Variants in PLD5 observed in about 807,000 individuals in gnomAD.
PLD5 encodes inactive phospholipase D5.
In PLD5, 36 loss-of-function variants were observed where a neutral mutation model predicts 61.1. That is an observed-to-expected ratio of 0.59 (90% CI 0.45 to 0.78). The LOEUF is 0.78. Ranked by LOEUF, PLD5 falls within the 30% of genes least tolerant of loss-of-function variation. The pLI is 0.00. For synonymous variants in PLD5, 243 were observed against 242.8 expected (o/e 1.00, Z -0.01); for missense variants, 515 against 644.4 (o/e 0.80, Z 2.17).
chr1:242,136,250 C>A (rs2148774248), intron 5 of PLD5, among the ~76,000 whole-genome samples: 1 of 152,352 alleles, frequency 6.6e-6, no homozygotes, highest in East Asian at 1.9e-4. Flanking sequence ...TCTCCTATGG[C>A]TGTTCCCATG....
At chr1:242,174,238 G>A (rs1345547659) in intron 5 of PLD5, among the ~76,000 whole-genome samples, 5 of 152,166 alleles carry the variant, frequency 3.3e-5, no homozygotes, top group Non-Finnish European at 7.3e-5. Flanking sequence ...AGTGGGTGAA[G>A]GATATGAACA....
At position 242,207,868 on chromosome 1, in the gene PLD5, TTA is replaced by T. The variant is rs1369717666; in HGVS notation, c.735+12118_735+12119del. Reference sequence around the variant, plus strand: ...TATATATATTTATATATTTATATATTTATATATATTTATATATTTATATATAT... The same window carrying T: ...TATATATATTTATATATTTATATATTTATATATTTATATATTTATATATAT... On this transcript the variant is annotated intron_variant, in intron 5 of 9. Transcript: ENST00000536534. Among the ~76,000 whole-genome samples, 116 of 61,078 alleles carry T rather than the reference TTA, an allele frequency of 1.9e-3. 8 individuals carry two copies. The highest frequency in any genetic ancestry group is 2.0e-3 in the Non-Finnish European group (71 of 34,656). 40.1% of individuals were successfully genotyped at this position (61,078 alleles called of 152,430 possible).
chr1:242,301,820 C>A (rs1262192173), intron 2 of PLD5, among the ~76,000 whole-genome samples: 1 of 146,730 alleles, frequency 6.8e-6, no homozygotes, highest in Non-Finnish European at 1.5e-5. Flanking sequence ...TCTTGCCACC[C>A]AGGCTGGAGT....
chr1:242,359,541 T>C (rs1660954371), intron 1 of PLD5, among the ~76,000 whole-genome samples: 1 of 152,144 alleles, frequency 6.6e-6, no homozygotes, highest in Non-Finnish European at 1.5e-5. Context: ...TTGGAGGGAG[T>C]GAAGACTGGG....
chr1:242,255,656 A>G (rs1237567129), intron 4 of PLD5, among the ~76,000 whole-genome samples: 3 of 152,196 alleles, frequency 2.0e-5, no homozygotes, highest in African/African-American at 7.2e-5. Flanking sequence ...CCTTTCAAAG[A>G]TTTTGTTAAG....
At chr1:242,435,893 A>G (rs560927492) in intron 1 of PLD5, among the ~76,000 whole-genome samples, 1 of 152,360 alleles carries the variant, frequency 6.6e-6, no homozygotes, top group South Asian at 2.1e-4. Context: ...AGAACCTCAC[A>G]GAAACCAACC....
rs1266850747 is a variant in PLD5 at position 242,085,323 on chromosome 1, A to G, written c.*4531T>C. 6.6e-6 allele frequency: 1 copy of G among 152,204 alleles called. No homozygotes were observed. Among genetic ancestry groups the G allele is most frequent in the Non-Finnish European group, 1.5e-5 (1 of 68,038 alleles). The allele number at this position is 152,204 out of a possible 1,614,324, so 9.4% of individuals were successfully genotyped here. A position where few individuals can be genotyped will look rare whatever the true frequency, so the allele number is the denominator to read the frequency against. The stretch of plus-strand genomic sequence containing the variant: ...ATACAAGACTGCTAATGGGTCAAAA[A>G]TAAGAAAATTTCATTTTTACATCTT... On this transcript the variant is annotated 3_prime_UTR_variant, in exon 10 of 10. Transcript: ENST00000536534.
At chr1:242,107,946 T>C (rs1290570983) in intron 7 of PLD5, 107 bp from the exon 8 acceptor site, 6 of 1,094,626 alleles carry the variant, frequency 5.5e-6, no homozygotes, top group Non-Finnish European at 7.6e-6. Flanking sequence ...TACTTTATCC[T>C]GTAATATATA....
intron 1 of PLD5, among the ~76,000 whole-genome samples, chr1:242,359,116 T>G (rs1660924841): frequency 6.6e-6 from 1 of 151,984 alleles, no homozygotes; most frequent in Non-Finnish European, 1.5e-5. Flanking sequence ...GCAGGTACAC[T>G]GAGCTTTCAT....
chr1:242,498,181 C>T (rs1287861219), intron 1 of PLD5, among the ~76,000 whole-genome samples: 11 of 152,064 alleles, frequency 7.2e-5, no homozygotes, highest in South Asian at 2.1e-4. Flanking sequence ...ATCAGGCTAG[C>T]CTCGAACTCC....
chr1:242,481,866 A>T (rs1437804780), intron 1 of PLD5, among the ~76,000 whole-genome samples: 1 of 152,218 alleles, frequency 6.6e-6, no homozygotes, highest in Non-Finnish European at 1.5e-5. Context: ...CAAAACTTCC[A>T]GAGGAACGAT....
chr1:242,301,531 A>C (rs1334578426), intron 2 of PLD5, among the ~76,000 whole-genome samples: 1 of 152,066 alleles, frequency 6.6e-6, no homozygotes, highest in African/African-American at 2.4e-5. Flanking sequence ...TCTACCAGGA[A>C]GGACAATGTT....
intron 2 of PLD5, among the ~76,000 whole-genome samples, chr1:242,303,814 T>C (rs956712374): frequency 1.3e-5 from 2 of 152,228 alleles, no homozygotes; most frequent in African/African-American, 4.8e-5. Context: ...CTCTGCTCTA[T>C]CATTGTTCAA....
intron 4 of PLD5, among the ~76,000 whole-genome samples, chr1:242,245,492 C>T (rs941261186): frequency 3.9e-5 from 6 of 152,198 alleles, no homozygotes; most frequent in Admixed American, 6.5e-5. Flanking sequence ...GATGCAGCGG[C>T]GTAGGCTCCT....
intron 1 of PLD5, among the ~76,000 whole-genome samples, chr1:242,426,464 A>C (rs191350758): frequency 6.6e-6 from 1 of 152,370 alleles, no homozygotes; most frequent in Admixed American, 6.5e-5. Flanking sequence ...ATGCTTTTGT[A>C]AGACTGGTAG....
chr1:242,096,470 T>C (rs1170955194), intron 9 of PLD5, among the ~76,000 whole-genome samples: 2 of 152,024 alleles, frequency 1.3e-5, no homozygotes, highest in Non-Finnish European at 2.9e-5. Flanking sequence ...GCCTCCCTAG[T>C]AGCTGGGATT....
chr1:242,149,971 G>A (rs1664814795), intron 5 of PLD5, among the ~76,000 whole-genome samples: 1 of 151,664 alleles, frequency 6.6e-6, no homozygotes. Flanking sequence ...TAAGCATCTT[G>A]TGTTATAAAC....
intron 4 of PLD5, among the ~76,000 whole-genome samples, chr1:242,220,989 G>T (rs1052219829): frequency 1.1e-4 from 16 of 152,012 alleles, no homozygotes; most frequent in Admixed American, 1.0e-3. Context: ...CACTCGCCTC[G>T]GCCTTCCAAA....
intron 1 of PLD5, among the ~76,000 whole-genome samples, chr1:242,436,793 T>C (rs1176991224): frequency 6.6e-6 from 1 of 152,184 alleles, no homozygotes; most frequent in Non-Finnish European, 1.5e-5. Flanking sequence ...ATCTTACAGT[T>C]TAGACCATCA....
Sources: gnomAD v4.1 joint callset for allele counts (sites outside exome capture counted in the v4.1 genomes callset) on GRCh38, gnomAD v4.1.1 for gene constraint, MANE v1.5 for transcripts, NCBI Gene and HGNC (gene_info 2026-07-23, HGNC 2026-07-21) for gene names.